BBS2: variants seen among roughly 807,000 people sequenced by gnomAD.
BBS2 encodes BBSome complex member BBS2.
Under a neutral mutation model 83.0 loss-of-function variants are expected in BBS2, and 62 were observed. That is an observed-to-expected ratio of 0.75 (90% CI 0.61 to 0.92). BBS2 has a LOEUF of 0.92. Among genes scored for constraint, BBS2 ranks in the 40% least tolerant of loss-of-function variants. BBS2 has a pLI of 0.00. For synonymous variants in BBS2, 303 were observed against 326.1 expected (o/e 0.93, Z 0.76); for missense variants, 784 against 901.0 (o/e 0.87, Z 1.66).
At position 56,500,708 on chromosome 16, in the gene BBS2, T is replaced by TCCTTTC. The variant is rs1964245587; in HGVS notation, c.1397+145_1397+146insGAAAGG. 6.8e-6 allele frequency: 5 copies of TCCTTTC among 732,766 alleles called. No homozygotes were observed. In the East Asian group the frequency reaches 1.4e-4, roughly 20 times the overall value. 45.4% of individuals were successfully genotyped at this position (732,766 alleles called of 1,614,324 possible). ...TTTTACAGGTTTCAAACTGAGGAAA[T>TCCTTTC]AAAAGGTCATGAGAAACTTTGGGTA... is the stretch of plus-strand genomic sequence containing the variant. On this transcript the variant is annotated intron_variant, in intron 11 of 16. Transcript: ENST00000245157.
At chr16:56,475,791 T>A (rs369903054) in intron 17 of BBS2, among the ~76,000 whole-genome samples, 4 of 152,236 alleles carry the variant, frequency 2.6e-5, no homozygotes, top group African/African-American at 9.6e-5. Context: ...TTAAGAGCCA[T>A]GTGGTGCATT....
chr16:56,488,006 G>T (rs748997718), intron 15 of BBS2, among the ~76,000 whole-genome samples: 22 of 152,140 alleles, frequency 1.4e-4, no homozygotes, highest in African/African-American at 5.3e-4. Context: ...TGGTGGTGAT[G>T]GTTACACATT....
chr16:56,511,993 A>G (rs1489262889), intron 2 of BBS2, among the ~76,000 whole-genome samples: 1 of 152,208 alleles, frequency 6.6e-6, no homozygotes, highest in Non-Finnish European at 1.5e-5. Flanking sequence ...AAATGTCTAC[A>G]AATCAATAAT....
At position 56,498,520 on chromosome 16, in the gene BBS2, T is replaced by C; in HGVS notation, c.1576A>G (p.Ile526Val). Residue 526 changes from isoleucine to valine, a missense_variant, in exon 13 of 17, where the codon ATT becomes GTT. Transcript: ENST00000245157. ...CACACTTGAAATGGAGCATTCTGAATGTGAGTGTCTTCTGGTAACAGAAAG... is the reference window on the plus strand; with the variant it reads ...CACACTTGAAATGGAGCATTCTGAACGTGAGTGTCTTCTGGTAACAGAAAG... Reference protein sequence around the residue: ...QNFLLPEDTHIQNAPFQVCFT... With the variant: ...QNFLLPEDTHVQNAPFQVCFT... 1 of 1,614,130 alleles carries C rather than the reference T, an allele frequency of 6.2e-7. No homozygotes were observed. The highest frequency in any genetic ancestry group is 2.2e-5 in the East Asian group (1 of 44,866).
chr16:56,500,768 G>T (rs1424776997), intron 11 of BBS2, 86 bp downstream of exon 11: 62 of 1,413,450 alleles, frequency 4.4e-5, no homozygotes, highest in Non-Finnish European at 5.3e-5. Flanking sequence ...AGGCCCCCAA[G>T]AATCCACTGG....
chr16:56,495,197 T>G (rs906346637), intron 15 of BBS2, among the ~76,000 whole-genome samples: 1 of 152,126 alleles, frequency 6.6e-6, no homozygotes, highest in Non-Finnish European at 1.5e-5. Context: ...TTATTTTTCA[T>G]AGAAGTATTT....
intron 13 of BBS2, 101 bp downstream of exon 13, chr16:56,498,336 A>C (rs1324516109): frequency 1.4e-6 from 2 of 1,474,476 alleles, no homozygotes; most frequent in Admixed American, 1.8e-5. Flanking sequence ...CTGAATGGTA[A>C]ACACCACATG....
rs147397090 is a variant in BBS2, at chr16:56,485,722, G to A, written c.1927C>T (p.Arg643Cys). 59 of 1,613,484 alleles carry A rather than the reference G, an allele frequency of 3.7e-5. No individual in the cohort carries two copies. The African/African-American group carries it at 5.9e-4, about 16-fold the overall frequency. ...TTAAGGTCATAGAGTTCCATATAAC[G>A]ACTCTTCATTGTTTTCCTGTGCAAA... is the stretch of plus-strand genomic sequence containing the variant. ...LMRDMKTMKS[R>C]YMELYDLNRD... Residue 643 changes from arginine to cysteine, a missense_variant, in exon 16 of 17, where the codon CGT becomes TGT. By Grantham distance (180) the Arg-to-Cys change is radical. Coordinates refer to ENST00000245157, the MANE Select transcript of BBS2 (RefSeq NM_031885.5).
At chr16:56,519,718 C>G (rs1337008529) in intron 1 of BBS2, 28 bp downstream of exon 1, 1 of 1,564,736 alleles carries the variant, frequency 6.4e-7, no homozygotes, top group Non-Finnish European at 8.8e-7. Flanking sequence ...CCCTGGGGCC[C>G]GGGCTCCCTG....
chr16:56,516,869 A>ATAC lies in BBS2; in HGVS notation c.118-2192_118-2190dup, dbSNP rs755698380. ...TTCATGGCATTACTTGAGTCATAAA[A>ATAC]TACTACTAATTCTTTTTAAGGTCTC... On this transcript the variant is annotated intron_variant, in intron 1 of 16. Coordinates refer to ENST00000245157, the MANE Select transcript of BBS2 (RefSeq NM_031885.5). Among the ~76,000 whole-genome samples, 12 of 152,328 alleles carry ATAC rather than the reference A, an allele frequency of 7.9e-5. No individual in the cohort carries two copies. The South Asian group carries it at 2.1e-3, about 26-fold the overall frequency.
intron 17 of BBS2, among the ~76,000 whole-genome samples, chr16:56,475,249 TTC>T (rs1320015497): frequency 3.3e-5 from 5 of 152,212 alleles, no homozygotes; most frequent in African/African-American, 7.2e-5. Context: ...TAGCATTTAA[TTC>T]TCTCTTAATT....
At chr16:56,501,202 T>A in intron 10 of BBS2, 151 bp downstream of exon 10, 1 of 1,291,160 alleles carries the variant, frequency 7.7e-7, no homozygotes, top group Non-Finnish European at 1.1e-6. Context: ...CCCAGCTACT[T>A]GGGAGGCTGA....
chr16:56,489,105 G>A (rs749917299), intron 15 of BBS2, among the ~76,000 whole-genome samples: 10 of 151,638 alleles, frequency 6.6e-5, no homozygotes, highest in Non-Finnish European at 1.3e-4. Context: ...AAAAATGGCC[G>A]AGGCAAGAGG....
chr16:56,481,483 T>G (rs557194994), downstream of BBS2, among the ~76,000 whole-genome samples: 3 of 152,078 alleles, frequency 2.0e-5, no homozygotes, highest in African/African-American at 7.2e-5. Context: ...TGGTGGGAAA[T>G]AATACAAATT....
intron 5 of BBS2, 48 bp downstream of exon 5, chr16:56,509,909 T>G: frequency 2.5e-5 from 39 of 1,578,208 alleles, no homozygotes; most frequent in Non-Finnish European, 3.0e-5. Flanking sequence ...CTGACAGTAC[T>G]GATCTATCTT....
chr16:56,510,907 A>G lies in BBS2; in HGVS notation c.486T>C (p.Asn162=). 4 of 1,614,114 alleles carry G rather than the reference A, an allele frequency of 2.5e-6. No homozygotes were observed. The highest frequency in any genetic ancestry group is 3.4e-6 in the Non-Finnish European group (4 of 1,179,978). ...AGTCACACAAGGCCAAGGAATTAAC[A>G]TTGTCTCCAGTAACCTGAAAATAAA... ...SDLFWTVTGD[N]VNSLALCDFD... Residue 162 remains asparagine, a synonymous_variant, in exon 4 of 17, where the codon AAT becomes AAC. Transcript: ENST00000245157.
At chr16:56,487,630 A>G (rs1375334536) in intron 15 of BBS2, among the ~76,000 whole-genome samples, 1 of 152,246 alleles carries the variant, frequency 6.6e-6, no homozygotes. Flanking sequence ...AAGACATAGC[A>G]TGTTCTTAGC....
At chr16:56,511,982 G>A (rs969239092) in intron 2 of BBS2, among the ~76,000 whole-genome samples, 1 of 152,016 alleles carries the variant, frequency 6.6e-6, no homozygotes, top group African/African-American at 2.4e-5. Context: ...GTATATCCAA[G>A]AAATGTCTAC....
intron 15 of BBS2, among the ~76,000 whole-genome samples, chr16:56,495,496 C>G (rs1311072884): frequency 6.6e-6 from 1 of 152,012 alleles, no homozygotes; most frequent in Admixed American, 6.6e-5. Context: ...CAGCAAAATC[C>G]AAAATGGCAC....
Sources: allele counts gnomAD v4.1 joint callset (sites outside exome capture counted in the v4.1 genomes callset), GRCh38; gene constraint gnomAD v4.1.1; transcripts MANE v1.5; gene names NCBI Gene and HGNC (gene_info 2026-07-23, HGNC 2026-07-21).